NAP1L1: variants seen among roughly 807,000 people sequenced by gnomAD.
NAP1L1 encodes nucleosome assembly protein 1 like 1.
In NAP1L1, 9 loss-of-function variants were observed where a neutral mutation model predicts 58.9. That is an observed-to-expected ratio of 0.15 (90% CI 0.09 to 0.27). NAP1L1 has a LOEUF of 0.27. NAP1L1 is among the 10% of genes least tolerant of loss of function. The pLI, the probability that NAP1L1 is intolerant of heterozygous loss-of-function variation, is 1.00. For missense variants in NAP1L1, 302 were observed against 458.8 expected (o/e 0.66, Z 3.12); for synonymous variants, 130 against 138.3 (o/e 0.94, Z 0.42).
At position 76,047,491 on chromosome 12, in the gene NAP1L1, C is replaced by G. The variant is rs1292043547; in HGVS notation, c.*938G>C. 1 of 131,358 alleles carries G rather than the reference C, an allele frequency of 7.6e-6. No individual in the cohort carries two copies. The highest frequency in any genetic ancestry group is 1.6e-5 in the Non-Finnish European group (1 of 63,070). The allele number at this position is 131,358 out of a possible 1,614,324, so 8.1% of individuals were successfully genotyped here. ...TCTCGTTCCAAAGCTGGTACCTTTT[C>G]TTCAACAATGTGTTAAAAACTGAGT... On this transcript the variant is annotated 3_prime_UTR_variant, in exon 15 of 15. Coordinates refer to ENST00000618691, the MANE Select transcript of NAP1L1 (RefSeq NM_004537.7).
rs1280641173 is a variant in NAP1L1 at position 76,040,694 on chromosome 12, G to A, written c.*7735C>T. On this transcript the variant is annotated 3_prime_UTR_variant, in exon 15 of 15. Coordinates refer to ENST00000618691, the MANE Select transcript of NAP1L1 (RefSeq NM_004537.7). ...TGTGCCTCAGCCTCCTGAGTAGCTTGGACTACAGGCACACACCACTACCAC... is the reference window on the plus strand; with the variant it reads ...TGTGCCTCAGCCTCCTGAGTAGCTTAGACTACAGGCACACACCACTACCAC... 1.3e-5 allele frequency: 2 copies of A among 152,106 alleles called. No individual in the cohort carries two copies. Among genetic ancestry groups the A allele is most frequent in the Non-Finnish European group, 2.9e-5 (2 of 68,040 alleles). The allele number at this position is 152,106 out of a possible 1,614,324, so 9.4% of individuals were successfully genotyped here. A position where few individuals can be genotyped will look rare whatever the true frequency, so the allele number is the denominator to read the frequency against.
rs980382238 is a variant in NAP1L1 at position 76,039,984 on chromosome 12, C to G, written c.*8445G>C. ...GAAAACACGTGTACTTAAGGGTCAC[C>G]TTATACATACCACTTGAGGTTCCTT... is the stretch of plus-strand genomic sequence containing the variant. On this transcript the variant is annotated 3_prime_UTR_variant, in exon 15 of 15. Transcript: ENST00000618691. The G allele has an allele frequency of 6.6e-6, 1 of 152,154 alleles. No homozygotes were observed. Among genetic ancestry groups the G allele is most frequent in the South Asian group, 2.1e-4 (1 of 4,826 alleles). 9.4% of individuals were successfully genotyped at this position (152,154 alleles called of 1,614,324 possible).
At chr12:76,082,243 C>T (rs1950434120) in intron 1 of NAP1L1, among the ~76,000 whole-genome samples, 1 of 152,094 alleles carries the variant, frequency 6.6e-6, no homozygotes, top group African/African-American at 2.4e-5. Context: ...CAAAAAGACC[C>T]TTAGTTTTGA....
chr12:76,046,909 A>C lies in NAP1L1; in HGVS notation c.*1520T>G, dbSNP rs1161649085. 6.6e-6 allele frequency: 1 copy of C among 152,532 alleles called. No homozygotes were observed. Among genetic ancestry groups the C allele is most frequent in the Non-Finnish European group, 1.5e-5 (1 of 67,946 alleles). 9.4% of individuals were successfully genotyped at this position (152,532 alleles called of 1,614,324 possible). On this transcript the variant is annotated 3_prime_UTR_variant, in exon 15 of 15. Coordinates refer to ENST00000618691, the MANE Select transcript of NAP1L1 (RefSeq NM_004537.7). Reference sequence around the variant, plus strand: ...TTAAGTCTCATGACTACAATACTATAGTGCTATCCCTGTAGTATTTACAAT... The same window carrying C: ...TTAAGTCTCATGACTACAATACTATCGTGCTATCCCTGTAGTATTTACAAT...
Position 76,060,234 on chromosome 12 carries a change from C to A in NAP1L1, c.252G>T (p.Leu84=), listed in dbSNP as rs752353054. 3.1e-6 allele frequency: 5 copies of A among 1,613,872 alleles called. No homozygotes were observed. In the East Asian group the frequency reaches 1.1e-4, roughly 36 times the overall value. ...CTTCTATCTGTGCACATTTAACTTGCAGGTTTTTGAGAGCATTCACTCGTC... is the reference window on the plus strand; with the variant it reads ...CTTCTATCTGTGCACATTTAACTTGAAGGTTTTTGAGAGCATTCACTCGTC... ...VKRRVNALKN[L]QVKCAQIEAK... Residue 84 remains leucine, a synonymous_variant, in exon 5 of 15, where the codon CTG becomes CTT. Coordinates refer to ENST00000618691, the MANE Select transcript of NAP1L1 (RefSeq NM_004537.7).
chr12:76,055,955 G>A (rs1160507723), intron 7 of NAP1L1, 78 bp downstream of exon 7: 1 of 1,418,078 alleles, frequency 7.1e-7, no homozygotes, highest in Non-Finnish European at 9.8e-7. Flanking sequence ...CAACACTGAA[G>A]AGAACAGTGA....
chr12:76,058,186 G>A, intron 6 of NAP1L1: 1 of 469,036 alleles, frequency 2.1e-6, no homozygotes. Flanking sequence ...CAAAGGGAGA[G>A]AGGCCTACAT....
intron 11 of NAP1L1, among the ~76,000 whole-genome samples, chr12:76,050,951 T>TGA (rs1305806697): frequency 6.9e-6 from 1 of 145,776 alleles, no homozygotes; most frequent in Non-Finnish European, 1.5e-5. Flanking sequence ...CCCAGCAGCT[T>TGA]GAGGCTGAAA....
rs1345667656 is a variant in NAP1L1 at position 76,045,263 on chromosome 12, A to C, written c.*3166T>G. On this transcript the variant is annotated 3_prime_UTR_variant, in exon 15 of 15. Coordinates refer to ENST00000618691, the MANE Select transcript of NAP1L1 (RefSeq NM_004537.7). ...TTAAAGTCAAAAATATAAAGGCTTAAATTTTTGTAAGACTAACCCATAAAA... is the reference window on the plus strand; with the variant it reads ...TTAAAGTCAAAAATATAAAGGCTTACATTTTTGTAAGACTAACCCATAAAA... 1 of 152,110 alleles carries C rather than the reference A, an allele frequency of 6.6e-6. No individual in the cohort carries two copies. Among genetic ancestry groups the C allele is most frequent in the Non-Finnish European group, 1.5e-5 (1 of 67,950 alleles). 9.4% of individuals were successfully genotyped at this position (152,110 alleles called of 1,614,324 possible).
intron 4 of NAP1L1, among the ~76,000 whole-genome samples, chr12:76,065,416 G>A (rs1949615869): frequency 1.3e-5 from 2 of 151,948 alleles, no homozygotes; most frequent in African/African-American, 4.8e-5. Flanking sequence ...ATAATGTAAT[G>A]TGGAAGAACA....
chr12:76,056,842 T>A, intron 6 of NAP1L1: 2 of 315,974 alleles, frequency 6.3e-6, no homozygotes, highest in South Asian at 5.0e-5. Context: ...CGAAACCCCA[T>A]CTTTACTAAA....
chr12:76,041,710 A>G lies in NAP1L1; in HGVS notation c.*6719T>C, dbSNP rs1473400882. Reference sequence around the variant, plus strand: ...TAGTCCAGGCAACATAGTGAGAATCATCTCAAAGATAATAAAAATAAAACT... The same window carrying G: ...TAGTCCAGGCAACATAGTGAGAATCGTCTCAAAGATAATAAAAATAAAACT... On this transcript the variant is annotated 3_prime_UTR_variant, in exon 15 of 15. Transcript: ENST00000618691. The G allele has an allele frequency of 6.6e-6, 1 of 152,214 alleles. No individual in the cohort carries two copies. The highest frequency in any genetic ancestry group is 1.5e-5 in the Non-Finnish European group (1 of 68,044). The allele number at this position is 152,214 out of a possible 1,614,324, so 9.4% of individuals were successfully genotyped here. A position where few individuals can be genotyped will look rare whatever the true frequency, so the allele number is the denominator to read the frequency against.
At chr12:76,065,865 C>T (rs1427347413) in intron 4 of NAP1L1, among the ~76,000 whole-genome samples, 3 of 151,540 alleles carry the variant, frequency 2.0e-5, no homozygotes, top group Non-Finnish European at 4.4e-5. Context: ...AGGATGCAAC[C>T]TGCCCTGCCA....
At chr12:76,065,636 C>T (rs909660262) in intron 4 of NAP1L1, among the ~76,000 whole-genome samples, 5 of 151,362 alleles carry the variant, frequency 3.3e-5, no homozygotes, top group African/African-American at 4.8e-5. Context: ...CAGAAATTAA[C>T]TTAACCAATA....
rs547103121 is a variant in NAP1L1, at chr12:76,063,753, C to G, written c.207-3474G>C. On this transcript the variant is annotated intron_variant, in intron 4 of 14. Coordinates refer to ENST00000618691, the MANE Select transcript of NAP1L1 (RefSeq NM_004537.7). ...GAGGCTGCAGTGAGCCGTCATTGTG[C>G]CATGGCACTCCAGCCTGGATGACAA... Among the ~76,000 whole-genome samples, 4 of 151,886 alleles carry G rather than the reference C, an allele frequency of 2.6e-5. No individual in the cohort carries two copies. In the South Asian group the frequency reaches 8.3e-4, roughly 32 times the overall value.
At chr12:76,055,560 T>C (rs1024313368) in intron 7 of NAP1L1, among the ~76,000 whole-genome samples, 2 of 152,216 alleles carry the variant, frequency 1.3e-5, no homozygotes, top group East Asian at 1.9e-4. Flanking sequence ...ATGTAGACGG[T>C]AGGGGCTCAC....
At chr12:76,070,078 A>G (rs1436628211) in intron 2 of NAP1L1, among the ~76,000 whole-genome samples, 1 of 152,144 alleles carries the variant, frequency 6.6e-6, no homozygotes, top group Non-Finnish European at 1.5e-5. Context: ...GTACTCTGCC[A>G]GCATAATTCA....
chr12:76,047,518 T>C lies in NAP1L1; in HGVS notation c.*911A>G, dbSNP rs988709043. The C allele has an allele frequency of 2.0e-5, 3 of 151,452 alleles. No individual in the cohort carries two copies. Among genetic ancestry groups the C allele is most frequent in the Admixed American group, 6.6e-5 (1 of 15,158 alleles). The allele number at this position is 151,452 out of a possible 1,614,324, so 9.4% of individuals were successfully genotyped here. A position where few individuals can be genotyped will look rare whatever the true frequency, so the allele number is the denominator to read the frequency against. ...TCAACAATGTGTTAAAAACTGAGTATAACCCTTAATTCAAGGTAGGCCTCT... is the reference window on the plus strand; with the variant it reads ...TCAACAATGTGTTAAAAACTGAGTACAACCCTTAATTCAAGGTAGGCCTCT... On this transcript the variant is annotated 3_prime_UTR_variant, in exon 15 of 15. Transcript: ENST00000618691.
chr12:76,068,053 A>G (rs1199687912), intron 3 of NAP1L1, among the ~76,000 whole-genome samples: 1 of 152,236 alleles, frequency 6.6e-6, no homozygotes, highest in East Asian at 1.9e-4. Flanking sequence ...CAATCCAAAT[A>G]TGCACTAGAC....
Sources: gnomAD v4.1 joint callset for allele counts (sites outside exome capture counted in the v4.1 genomes callset) on GRCh38, gnomAD v4.1.1 for gene constraint, MANE v1.5 for transcripts, NCBI Gene and HGNC (gene_info 2026-07-23, HGNC 2026-07-21) for gene names.